ACTR3C: variants seen among roughly 807,000 people sequenced by gnomAD.
ACTR3C encodes the protein actin-related protein 3C.
Under a neutral mutation model 26.3 loss-of-function variants are expected in ACTR3C, and 18 were observed. The ratio of observed to expected loss-of-function variants is 0.68; its 90% CI spans 0.47 to 1.01. ACTR3C has a LOEUF of 1.01. Ranked by LOEUF, ACTR3C falls within the 50% of genes least tolerant of loss-of-function variation. ACTR3C has a pLI of 0.00. For missense variants in ACTR3C, 184 were observed against 250.7 expected (o/e 0.73, Z 1.80); for synonymous variants, 55 against 94.5 (o/e 0.58, Z 2.42).
At chr7:149,941,390 C>T in the ACTR3C span, among the ~76,000 whole-genome samples, 10 of 152,326 alleles carry the variant, frequency 6.6e-5, no homozygotes, top group Non-Finnish European at 1.2e-4. Context: ...GGACACACAG[C>T]TACTCACTCC....
At chr7:150,068,819 A>AG in the ACTR3C span, among the ~76,000 whole-genome samples, 1 of 151,988 alleles carries the variant, frequency 6.6e-6, no homozygotes, top group Admixed American at 6.6e-5. Flanking sequence ...AAAGGAAAAA[A>AG]GAATGAGACT....
intron 6 of ACTR3C, among the ~76,000 whole-genome samples, chr7:150,273,250 C>T (rs1834587345): frequency 7.2e-6 from 1 of 139,176 alleles, no homozygotes; most frequent in South Asian, 2.4e-4. Context: ...TACATCACTG[C>T]TTTATTTCAC....
the ACTR3C span, among the ~76,000 whole-genome samples, chr7:150,042,659 G>A: frequency 2.0e-5 from 3 of 151,862 alleles, no homozygotes; most frequent in Non-Finnish European, 4.4e-5. Context: ...ACAAAATGGG[G>A]GGCCTTTATG....
chr7:149,930,252 T>C, the ACTR3C span, among the ~76,000 whole-genome samples: 1 of 152,226 alleles, frequency 6.6e-6, no homozygotes, highest in East Asian at 1.9e-4. Flanking sequence ...TTAAATTTTC[T>C]GATTTTGATG....
the ACTR3C span, among the ~76,000 whole-genome samples, chr7:150,046,348 C>CT: frequency 5.4e-5 from 1 of 18,682 alleles, no homozygotes; most frequent in Non-Finnish European, 2.2e-4. Flanking sequence ...TGTCTCACCG[C>CT]CCCCCCCCCC....
At chr7:150,194,640 C>A in the ACTR3C span, among the ~76,000 whole-genome samples, 1 of 152,160 alleles carries the variant, frequency 6.6e-6, no homozygotes, top group South Asian at 2.1e-4. Flanking sequence ...GTCTTTGTTT[C>A]TTTTTTCTTC....
At chr7:150,044,816 A>C in the ACTR3C span, 1 of 152,210 alleles carries the variant, frequency 6.6e-6, no homozygotes, top group African/African-American at 2.4e-5. Context: ...CATCTTAGTG[A>C]CCAAGGCAGC....
At chr7:150,185,803 C>A in the ACTR3C span, among the ~76,000 whole-genome samples, 1 of 152,104 alleles carries the variant, frequency 6.6e-6, no homozygotes, top group Non-Finnish European at 1.5e-5. Flanking sequence ...AAGTAGTGTG[C>A]CTGTTCCTAC....
At chr7:150,035,043 G>T in the ACTR3C span, among the ~76,000 whole-genome samples, 1 of 128,030 alleles carries the variant, frequency 7.8e-6, no homozygotes, top group Non-Finnish European at 1.7e-5. Context: ...CTGGCTCTCA[G>T]TAATCCCACG....
At chr7:150,237,851 A>G in the ACTR3C span, among the ~76,000 whole-genome samples, 1 of 150,566 alleles carries the variant, frequency 6.6e-6, no homozygotes, top group Non-Finnish European at 1.5e-5. Context: ...AGCAGACTTA[A>G]AGTTTTAATC....
intron 1 of ACTR3C, among the ~76,000 whole-genome samples, chr7:150,307,155 G>A (rs57888387): frequency 0.2 from 29,923 of 152,166 alleles, 3,779 homozygotes; most frequent in East Asian, 0.31. Context: ...AGATCATGTG[G>A]GTGGGGCACA....
chr7:150,067,038 C>G, the ACTR3C span, among the ~76,000 whole-genome samples: 1 of 152,202 alleles, frequency 6.6e-6, no homozygotes, highest in East Asian at 1.9e-4. Context: ...TGGAATCACT[C>G]ACAATGAGAA....
At chr7:150,200,654 C>CTGG in the ACTR3C span, among the ~76,000 whole-genome samples, 2 of 152,116 alleles carry the variant, frequency 1.3e-5, no homozygotes, top group African/African-American at 2.4e-5. Flanking sequence ...AGCACAACTG[C>CTGG]CTTGAAAAAC....
At chr7:150,291,900 C>T (rs1380428336) in intron 3 of ACTR3C, among the ~76,000 whole-genome samples, 1 of 151,222 alleles carries the variant, frequency 6.6e-6, no homozygotes, top group Non-Finnish European at 1.5e-5. Flanking sequence ...AGGGCAGCCA[C>T]CTCTCCTCCC....
At chr7:150,107,051 A>G in the ACTR3C span, among the ~76,000 whole-genome samples, 1 of 144,928 alleles carries the variant, frequency 6.9e-6, no homozygotes, top group African/African-American at 2.7e-5. Flanking sequence ...TTGACCTGTT[A>G]TCTACACATG....
At chr7:150,193,305 TA>T in the ACTR3C span, among the ~76,000 whole-genome samples, 1 of 152,112 alleles carries the variant, frequency 6.6e-6, no homozygotes, top group African/African-American at 2.4e-5. Flanking sequence ...TTATGTCTTT[TA>T]TTTTCTCTTG....
the ACTR3C span, among the ~76,000 whole-genome samples, chr7:150,132,760 A>C: frequency 2.6e-5 from 4 of 152,178 alleles, no homozygotes; most frequent in Non-Finnish European, 5.9e-5. Flanking sequence ...TATATATCCA[A>C]AGGAAAATAA....
At chr7:150,004,458 C>T in the ACTR3C span, 2 of 152,242 alleles carry the variant, frequency 1.3e-5, no homozygotes, top group Admixed American at 6.5e-5. Context: ...AGATTGCCAT[C>T]TGACAACCAT....
the ACTR3C span, among the ~76,000 whole-genome samples, chr7:150,034,681 C>T: frequency 6.6e-6 from 1 of 151,676 alleles, no homozygotes; most frequent in African/African-American, 2.4e-5. Flanking sequence ...TACCTGCCGT[C>T]GGAAGATTTG....
Sources: allele counts gnomAD v4.1 joint callset (sites outside exome capture counted in the v4.1 genomes callset), GRCh38; gene constraint gnomAD v4.1.1; transcripts MANE v1.5; gene names NCBI Gene and HGNC (gene_info 2026-07-23, HGNC 2026-07-21).